The following TRHDE variants were observed in gnomAD, a reference collection of about 807,000 sequenced individuals.
The protein encoded by TRHDE is thyrotropin releasing hormone degrading enzyme.
Under a neutral mutation model 125.7 loss-of-function variants are expected in TRHDE, and 72 were observed. The observed-to-expected ratio is 0.57, with a 90% CI of 0.47 to 0.70. The LOEUF (loss-of-function observed/expected upper bound fraction) is 0.70, where lower values mean the gene tolerates loss of function less well. Among genes scored for constraint, TRHDE ranks in the 30% least tolerant of loss-of-function variants. The probability of loss-of-function intolerance (pLI) is 0.00; values close to 1 mark genes in which losing one functional copy is unlikely to be tolerated. For synonymous variants in TRHDE, 509 were observed against 509.1 expected (o/e 1.00, Z 0.00); for missense variants, 1,110 against 1,327.1 (o/e 0.84, Z 2.54).
At chr12:72,383,908 C>T (rs1361788761) in intron 3 of TRHDE, among the ~76,000 whole-genome samples, 1 of 151,960 alleles carries the variant, frequency 6.6e-6, no homozygotes, top group Non-Finnish European at 1.5e-5. Flanking sequence ...TATAGCTTGC[C>T]TTATAAACTC....
chr12:72,102,437 A>T (rs1392545416), intron 1 of TRHDE, among the ~76,000 whole-genome samples: 1 of 152,150 alleles, frequency 6.6e-6, no homozygotes, highest in Non-Finnish European at 1.5e-5. Context: ...AAATAACTTG[A>T]TTGTCTTAGA....
At chr12:72,653,414 G>A (rs1874586519) in intron 17 of TRHDE, among the ~76,000 whole-genome samples, 1 of 151,994 alleles carries the variant, frequency 6.6e-6, no homozygotes, top group South Asian at 2.1e-4. Flanking sequence ...CAACTTTCCT[G>A]GAAAATCTAT....
At chr12:72,606,084 C>G (rs995459143) in intron 12 of TRHDE, among the ~76,000 whole-genome samples, 4 of 152,164 alleles carry the variant, frequency 2.6e-5, no homozygotes, top group African/African-American at 7.2e-5. Flanking sequence ...CAACATGCTG[C>G]CAGTCTGACT....
At chr12:72,523,444 G>A (rs2135965434) in intron 6 of TRHDE, among the ~76,000 whole-genome samples, 1 of 152,192 alleles carries the variant, frequency 6.6e-6, no homozygotes, top group South Asian at 2.1e-4. Flanking sequence ...CCTGTGATGT[G>A]GATGTTTGCT....
chr12:72,572,078 G>GATT (rs34582837), intron 10 of TRHDE, among the ~76,000 whole-genome samples: 60,510 of 149,910 alleles, frequency 0.4, 14,593 homozygotes, highest in African/African-American at 0.67. Context: ...TGATGTCTTT[G>GATT]ATATGCACAG....
intron 12 of TRHDE, among the ~76,000 whole-genome samples, chr12:72,612,085 CCT>C (rs1382396964): frequency 6.6e-6 from 1 of 152,146 alleles, no homozygotes; most frequent in African/African-American, 2.4e-5. Flanking sequence ...CTACAAAGGC[CCT>C]CTGTTATTCC....
intron 2 of TRHDE, among the ~76,000 whole-genome samples, chr12:72,199,865 G>A (rs1164654784): frequency 6.6e-6 from 1 of 152,168 alleles, no homozygotes; most frequent in East Asian, 1.9e-4. Context: ...CTATTTTCAT[G>A]TTTGGATCCT....
intron 9 of TRHDE, among the ~76,000 whole-genome samples, chr12:72,566,134 A>G (rs774790499): frequency 1.3e-5 from 2 of 152,030 alleles, no homozygotes; most frequent in African/African-American, 2.4e-5. Context: ...CACATATATG[A>G]TATTTTGAAA....
At chr12:72,121,393 A>G (rs542277054) in intron 2 of TRHDE, among the ~76,000 whole-genome samples, 130 of 152,292 alleles carry the variant, frequency 8.5e-4, no homozygotes, top group African/African-American at 2.9e-3. Flanking sequence ...TCAGGTTCCA[A>G]CTACTGTGAT....
At chr12:72,455,379 GT>G (rs1468013835) in intron 3 of TRHDE, among the ~76,000 whole-genome samples, 2 of 152,088 alleles carry the variant, frequency 1.3e-5, no homozygotes, top group African/African-American at 4.8e-5. Context: ...GTGTTTAGTA[GT>G]TGTAAACTTT....
chr12:72,376,210 G>C (rs1360921223), intron 2 of TRHDE, among the ~76,000 whole-genome samples: 1 of 152,218 alleles, frequency 6.6e-6, no homozygotes, highest in Non-Finnish European at 1.5e-5. Context: ...ATCAGGCTGA[G>C]TCCAGGACTT....
At chr12:72,428,637 A>G (rs905129953) in intron 3 of TRHDE, among the ~76,000 whole-genome samples, 3 of 152,136 alleles carry the variant, frequency 2.0e-5, no homozygotes, top group Non-Finnish European at 4.4e-5. Context: ...TTCACATGCT[A>G]TACAACTAAC....
In TRHDE at chr12:72,499,581, A is replaced by G. The variant is rs984254306; in HGVS notation, c.1668A>G (p.Glu556=). ...GLASSHPVSQ[E]VLQATDIDRV... ...CCAGTTCCCATCCAGTATCACAGGA[A>G]GTGCTGCAGGCAACAGATATTGACA... The change falls in exon 6 of 19, where the codon GAA becomes GAG. Residue 556 remains glutamate, a synonymous_variant. Transcript: ENST00000261180. 24 of 1,613,830 alleles carry G rather than the reference A, an allele frequency of 1.5e-5. No homozygotes were observed. The highest frequency in any genetic ancestry group is 2.0e-5 in the Non-Finnish European group (24 of 1,179,892).
intron 6 of TRHDE, among the ~76,000 whole-genome samples, chr12:72,524,790 A>G (rs1309059148): frequency 2.6e-5 from 4 of 152,184 alleles, no homozygotes; most frequent in Non-Finnish European, 4.4e-5. Flanking sequence ...GATGTTCACC[A>G]CAACTGCTAA....
intron 2 of TRHDE, among the ~76,000 whole-genome samples, chr12:72,314,548 A>G (rs1300940011): frequency 6.6e-6 from 1 of 152,182 alleles, no homozygotes; most frequent in Non-Finnish European, 1.5e-5. Context: ...TTTGCATAAA[A>G]TTGCTACTGT....
rs940939765 is a variant in TRHDE at position 72,272,456 on chromosome 12, G to A, written c.-188G>A. 6.1e-5 allele frequency: 30 copies of A among 495,040 alleles called. No individual in the cohort carries two copies. In the Admixed American group the frequency reaches 8.7e-4, roughly 14 times the overall value. The allele number at this position is 495,040 out of a possible 1,614,324, so 30.7% of individuals were successfully genotyped here. A position where few individuals can be genotyped will look rare whatever the true frequency, so the allele number is the denominator to read the frequency against. On this transcript the variant is annotated 5_prime_UTR_variant, in exon 1 of 19. Transcript: ENST00000261180. This position sits in a 1 kb window ranked among gnomAD's most constrained non-coding sequence, Gnocchi z 6.7. Reference sequence around the variant, plus strand: ...CAGCCCGGTGTCCAGAGTGAGGCGGGGCTGATGGGGGTCGCGGAAGCTGCC... The same window carrying A: ...CAGCCCGGTGTCCAGAGTGAGGCGGAGCTGATGGGGGTCGCGGAAGCTGCC...
chr12:72,480,734 A>C lies in TRHDE; in HGVS notation c.1584+7554A>C, dbSNP rs567188808. On this transcript the variant is annotated intron_variant, in intron 5 of 18. Coordinates refer to ENST00000261180, the MANE Select transcript of TRHDE (RefSeq NM_013381.3). ...TCTAGAAATACCGAGGGGAAAATGA[A>C]CCTATTCATTCTCTTTTCAAGTAAG... 1.2e-4 allele frequency among the ~76,000 whole-genome samples: 18 copies of C among 152,232 alleles called. No homozygotes were observed. The South Asian group carries it at 3.7e-3, about 32-fold the overall frequency.
chr12:72,221,999 T>C (rs1396777919), intron 2 of TRHDE, among the ~76,000 whole-genome samples: 1 of 152,106 alleles, frequency 6.6e-6, no homozygotes, highest in Non-Finnish European at 1.5e-5. Flanking sequence ...TGGGTGACTT[T>C]GGGCTGCCTC....
intron 6 of TRHDE, among the ~76,000 whole-genome samples, chr12:72,510,723 A>C (rs1371385333): frequency 1.3e-5 from 2 of 152,194 alleles, no homozygotes; most frequent in Non-Finnish European, 2.9e-5. Flanking sequence ...AAAGGTTGTA[A>C]AATCTGAGAA....
Sources: gnomAD v4.1 joint callset for allele counts (sites outside exome capture counted in the v4.1 genomes callset) on GRCh38, gnomAD v4.1.1 for gene constraint, Gnocchi (gnomAD v3.1) non-coding constraint, MANE v1.5 for transcripts, NCBI Gene and HGNC (gene_info 2026-07-23, HGNC 2026-07-21) for gene names.